Variants in SLC17A1 observed in about 807,000 individuals in gnomAD.
SLC17A1 encodes the protein sodium-dependent phosphate transport protein 1.
A neutral mutation model predicts 53.5 loss-of-function variants in SLC17A1; 51 were observed. The ratio of observed to expected loss-of-function variants is 0.95; its 90% CI spans 0.76 to 1.20. The LOEUF (loss-of-function observed/expected upper bound fraction) is 1.20. SLC17A1 is among the 50% of genes most tolerant of loss of function. The pLI is 0.00. For synonymous variants in SLC17A1, 179 were observed against 198.8 expected, an observed-to-expected ratio of 0.90 and a Z score of 0.84; for missense variants, 538 against 568.2, an observed-to-expected ratio of 0.95 and a Z score of 0.54.
the SLC17A1 span, chr6:25,762,067 C>G: frequency 1.9e-6 from 3 of 1,607,332 alleles, no homozygotes; most frequent in South Asian, 3.3e-5. Context: ...AAATCATGCA[C>G]AGTAATCTGG....
At chr6:25,725,674 CTG>C in the SLC17A1 span, among the ~76,000 whole-genome samples, 116 of 152,328 alleles carry the variant, frequency 7.6e-4, no homozygotes, top group Middle Eastern at 6.8e-3. Context: ...TCTTCGTTCA[CTG>C]TAACTTTCGC....
At chr6:25,727,094 C>T in the SLC17A1 span, 1 of 1,614,218 alleles carries the variant, frequency 6.2e-7, no homozygotes, top group South Asian at 1.1e-5. Flanking sequence ...AAGCTATGAG[C>T]ATTATGAATT....
chr6:25,728,039 TG>T, the SLC17A1 span, among the ~76,000 whole-genome samples: 1 of 152,200 alleles, frequency 6.6e-6, no homozygotes, highest in Non-Finnish European at 1.5e-5. Context: ...CCCCCTAGTT[TG>T]TATAAAAGCT....
intron 12 of SLC17A1, among the ~76,000 whole-genome samples, chr6:25,783,720 C>T (rs997655058): frequency 2.6e-5 from 4 of 152,094 alleles, no homozygotes; most frequent in African/African-American, 9.7e-5. Context: ...ACCAAATTCC[C>T]ATTCTTTGTA....
At chr6:25,781,599 A>T (rs1191468826), downstream of SLC17A1, among the ~76,000 whole-genome samples, 3 of 152,290 alleles carry the variant, frequency 2.0e-5, no homozygotes, top group Non-Finnish European at 2.9e-5. Flanking sequence ...GGGCATCTGC[A>T]TCTGGCGAGG....
chr6:25,790,784 C>T (rs1468590236), intron 12 of SLC17A1, among the ~76,000 whole-genome samples: 1 of 152,026 alleles, frequency 6.6e-6, no homozygotes, highest in African/African-American at 2.4e-5. Flanking sequence ...AGAGGCTGTG[C>T]AATTAAAGCC....
intron 12 of SLC17A1, among the ~76,000 whole-genome samples, chr6:25,790,621 A>G (rs1045243151): frequency 1.3e-5 from 2 of 152,188 alleles, no homozygotes; most frequent in African/African-American, 4.8e-5. Flanking sequence ...ATATGCAATC[A>G]TCTGAATAGA....
At chr6:25,805,755 C>T (rs148889395) in intron 10 of SLC17A1, among the ~76,000 whole-genome samples, 220 of 152,072 alleles carry the variant, frequency 1.4e-3, no homozygotes, top group African/African-American at 4.6e-3. Context: ...TGCACATAAA[C>T]TAGAAAAGCT....
chr6:25,766,934 T>C, the SLC17A1 span, among the ~76,000 whole-genome samples: 1 of 152,270 alleles, frequency 6.6e-6, no homozygotes, highest in African/African-American at 2.4e-5. Flanking sequence ...AGGACATTAG[T>C]TAAAAACTAA....
chr6:25,731,893 T>TC, the SLC17A1 span: 1 of 1,602,614 alleles, frequency 6.2e-7, no homozygotes, highest in Non-Finnish European at 8.5e-7. Flanking sequence ...TCCCTGGAGG[T>TC]GATGGTCGAG....
intron 10 of SLC17A1, among the ~76,000 whole-genome samples, chr6:25,803,238 C>T (rs564847858): frequency 4.6e-5 from 7 of 151,890 alleles, no homozygotes; most frequent in East Asian, 1.9e-4. Context: ...CGCCCGGCCC[C>T]GCAGGCATTT....
intron 2 of SLC17A1, among the ~76,000 whole-genome samples, chr6:25,828,402 T>G (rs1246055348): frequency 6.6e-6 from 1 of 152,126 alleles, no homozygotes; most frequent in Non-Finnish European, 1.5e-5. Context: ...AATTTTTTAT[T>G]GCAAATAAAT....
In SLC17A1 at chr6:25,798,899, A is replaced by C; in HGVS notation, c.1290T>G (p.Phe430Leu). Residue 430 changes from phenylalanine to leucine, a missense_variant, in exon 12 of 13, where the codon TTT (phenylalanine) becomes TTG (leucine). Physicochemically the swap from Phe to Leu is conservative, Grantham distance 22. Coordinates refer to ENST00000244527, the MANE Select transcript of SLC17A1 (RefSeq NM_005074.5). ...ILKQDPESAW[F>L]KTFILMAAIN... is the part of the protein sequence containing the mutation. ...TGGCTGCCATCAGGATGAAGGTTTT[A>C]AACCAGGCGGATTCCGGATCCTAAG... The C allele has an allele frequency of 6.3e-7, 1 of 1,594,772 alleles. No homozygotes were observed.
intron 6 of SLC17A1, among the ~76,000 whole-genome samples, chr6:25,815,914 T>A (rs1239496493): frequency 4.3e-5 from 1 of 23,434 alleles, no homozygotes; most frequent in Non-Finnish European, 7.1e-5. Context: ...ATGCTTACTT[T>A]TTTTTTTTTT....
intron 6 of SLC17A1, among the ~76,000 whole-genome samples, chr6:25,814,870 CA>C (rs1240675057): frequency 2.6e-5 from 4 of 151,948 alleles, no homozygotes; most frequent in Non-Finnish European, 5.9e-5. Flanking sequence ...CCTGTAATCC[CA>C]GCTACTCAGG....
chr6:25,820,608 C>T (rs1764519130), intron 3 of SLC17A1, among the ~76,000 whole-genome samples: 1 of 152,016 alleles, frequency 6.6e-6, no homozygotes, highest in African/African-American at 2.4e-5. Flanking sequence ...TGGCCGGGCG[C>T]GGTGGCTCAC....
At position 25,813,106 on chromosome 6, in the gene SLC17A1, G is replaced by C. The variant is rs771163921; in HGVS notation, c.724C>G (p.Leu242Val). The C allele has an allele frequency of 1.9e-6, 3 of 1,613,876 alleles. No homozygotes were observed. The highest frequency in any genetic ancestry group is 2.5e-6 in the Non-Finnish European group (3 of 1,179,726). ...ISEKEYITSSLVQQVSSSRQS... is the reference protein window; with the variant it reads ...ISEKEYITSSVVQQVSSSRQS... ...GAACTGTGTTCTACCTGCTGGACCA[G>C]GGAGGATGTGATGTATTCCTTTTCA... The change falls in exon 7 of 13, where the codon CTG (leucine) becomes GTG (valine). Residue 242 changes from leucine (L) to valine (V), a missense_variant. By Grantham distance (32) the Leu-to-Val change is conservative. Transcript: ENST00000244527.
the SLC17A1 span, chr6:25,773,147 A>C: frequency 1.3e-6 from 1 of 762,318 alleles, no homozygotes; most frequent in Non-Finnish European, 2.3e-6. Flanking sequence ...AGGGCCATGC[A>C]AGGGATAGAT....
the SLC17A1 span, among the ~76,000 whole-genome samples, chr6:25,739,741 A>G: frequency 7.2e-5 from 11 of 152,208 alleles, no homozygotes; most frequent in Non-Finnish European, 1.5e-4. Flanking sequence ...AAACAAAGTC[A>G]TAGGGATGGA....
Sources: gnomAD v4.1 joint callset for allele counts (sites outside exome capture counted in the v4.1 genomes callset) on GRCh38, gnomAD v4.1.1 for gene constraint, MANE v1.5 for transcripts, NCBI Gene and HGNC (gene_info 2026-07-23, HGNC 2026-07-21) for gene names.